LRRC4C: variants seen among roughly 807,000 people sequenced by gnomAD.
The protein encoded by LRRC4C is leucine-rich repeat-containing protein 4C.
LRRC4C carries 5 observed loss-of-function variants against 33.6 expected under a neutral mutation model. That is an observed-to-expected ratio of 0.15 (90% confidence interval 0.08 to 0.31). The LOEUF (loss-of-function observed/expected upper bound fraction) is 0.31, where lower values mean the gene tolerates loss of function less well. Ranked by LOEUF, LRRC4C falls within the 10% of genes least tolerant of loss-of-function variation. The probability of loss-of-function intolerance (pLI) is 1.00; values close to 1 mark genes in which losing one functional copy is unlikely to be tolerated. For synonymous variants in LRRC4C, 329 were observed against 302.0 expected (o/e 1.09, Z -0.93); for missense variants, 560 against 796.7 (o/e 0.70, Z 3.58).
chr11:41,184,178 T>A (rs1239070563), intron 1 of LRRC4C, among the ~76,000 whole-genome samples: 1 of 152,162 alleles, frequency 6.6e-6, no homozygotes, highest in African/African-American at 2.4e-5. Context: ...TTCCCCATTG[T>A]TTTGGGGATT....
intron 2 of LRRC4C, among the ~76,000 whole-genome samples, chr11:40,914,071 A>G (rs1158544225): frequency 1.3e-5 from 2 of 152,170 alleles, no homozygotes; most frequent in African/African-American, 4.8e-5. Context: ...TACCAACCAA[A>G]AAAAGTCCAG....
chr11:41,066,281 A>C (rs1299303821), intron 1 of LRRC4C, among the ~76,000 whole-genome samples: 2 of 152,236 alleles, frequency 1.3e-5, no homozygotes, highest in African/African-American at 4.8e-5. Context: ...CACAAGTATC[A>C]ATAGCCGAAT....
intron 3 of LRRC4C, among the ~76,000 whole-genome samples, chr11:40,346,198 C>T (rs977259532): frequency 1.8e-4 from 27 of 152,194 alleles, no homozygotes; most frequent in East Asian, 1.5e-3. Flanking sequence ...CCCATTACTG[C>T]ATATATACCC....
chr11:40,747,249 C>T (rs1419713913), intron 2 of LRRC4C, among the ~76,000 whole-genome samples: 1 of 152,118 alleles, frequency 6.6e-6, no homozygotes, highest in East Asian at 1.9e-4. Flanking sequence ...TTTGCCATAG[C>T]CCCCACTCAT....
intron 5 of LRRC4C, among the ~76,000 whole-genome samples, chr11:40,219,643 T>C (rs919967626): frequency 6.6e-6 from 1 of 151,458 alleles, no homozygotes; most frequent in Non-Finnish European, 1.5e-5. Context: ...ACACAGAAAA[T>C]GTTGCACAAT....
chr11:40,852,456 A>G (rs1953556816), intron 2 of LRRC4C, among the ~76,000 whole-genome samples: 2 of 152,060 alleles, frequency 1.3e-5, no homozygotes, highest in South Asian at 4.2e-4. Flanking sequence ...AGTTAAAGAT[A>G]TAACATATAA....
chr11:40,160,641 T>C (rs1859075962), intron 5 of LRRC4C, among the ~76,000 whole-genome samples: 1 of 152,148 alleles, frequency 6.6e-6, no homozygotes, highest in Admixed American at 6.5e-5. Context: ...ATCACTCTCA[T>C]CAAGGCAAAT....
chr11:40,337,301 G>C lies in LRRC4C; in HGVS notation c.-269-17580C>G, dbSNP rs115408851. ...AGACGAAGGTAAAGACTGTGGATTT[G>C]ATTGGAAGATTTTCAGAAAGGAAAC... is the stretch of plus-strand genomic sequence containing the variant. On this transcript the variant is annotated intron_variant, in intron 3 of 6. Transcript: ENST00000528697. 8.6e-3 allele frequency among the ~76,000 whole-genome samples: 1,314 copies of C among 152,300 alleles called. 21 individuals carry two copies. Among genetic ancestry groups the C allele is most frequent in the African/African-American group, 0.029 (1,224 of 41,576 alleles).
chr11:41,168,946 A>C lies in LRRC4C; in HGVS notation c.-495-235223T>G, dbSNP rs114485013. Among the ~76,000 whole-genome samples, 1,432 of 152,282 alleles carry C rather than the reference A, an allele frequency of 9.4e-3. 26 individuals carry two copies. Among genetic ancestry groups the C allele is most frequent in the African/African-American group, 0.033 (1,353 of 41,558 alleles). ...ATGAAACAATGCCCCATGCCAGGAG[A>C]TTTACATACATAATCGCCATTCTTC... is the stretch of plus-strand genomic sequence containing the variant. On this transcript the variant is annotated intron_variant, in intron 1 of 6. Coordinates refer to ENST00000528697, the MANE Select transcript of LRRC4C (RefSeq NM_001258419.2).
At chr11:40,585,744 T>C (rs1468671263) in intron 3 of LRRC4C, among the ~76,000 whole-genome samples, 1 of 142,012 alleles carries the variant, frequency 7.0e-6, no homozygotes, top group Non-Finnish European at 1.6e-5. Context: ...GTTCTTGCGA[T>C]AGTTTACTGA....
At chr11:40,301,329 G>A (rs1320576271) in intron 4 of LRRC4C, among the ~76,000 whole-genome samples, 3 of 152,140 alleles carry the variant, frequency 2.0e-5, no homozygotes, top group African/African-American at 7.2e-5. Flanking sequence ...TTCTAAGGGA[G>A]AAGGTATGTG....
intron 3 of LRRC4C, among the ~76,000 whole-genome samples, chr11:40,572,769 T>C (rs1278276367): frequency 1.3e-5 from 2 of 152,210 alleles, no homozygotes; most frequent in Non-Finnish European, 2.9e-5. Flanking sequence ...AGGGGACTCA[T>C]AGAAGGCTTG....
At chr11:41,285,989 C>G (rs993823652) in intron 1 of LRRC4C, among the ~76,000 whole-genome samples, 2 of 152,032 alleles carry the variant, frequency 1.3e-5, no homozygotes, top group African/African-American at 4.8e-5. Context: ...GCCACCACAC[C>G]TGGCTAATTT....
At position 40,908,069 on chromosome 11, in the gene LRRC4C, T is replaced by A. The variant is rs77908139; in HGVS notation, c.-407+25566A>T. ...CACTGCATCAGAAAAAGCAAGGATT[T>A]TTTTTCACATTGAATAGTCACTACA... On this transcript the variant is annotated intron_variant, in intron 2 of 6. Coordinates refer to ENST00000528697, the MANE Select transcript of LRRC4C (RefSeq NM_001258419.2). Among the ~76,000 whole-genome samples, 118 of 152,264 alleles carry A rather than the reference T, an allele frequency of 7.7e-4. No individual in the cohort carries two copies. The East Asian group carries it at 0.019, about 24-fold the overall frequency.
chr11:40,525,364 T>G (rs1956000884), intron 3 of LRRC4C, among the ~76,000 whole-genome samples: 2 of 152,076 alleles, frequency 1.3e-5, no homozygotes, highest in Admixed American at 1.3e-4. Flanking sequence ...GAGAATCGCT[T>G]GAACCCAGGA....
chr11:40,651,656 G>C (rs1343959015), intron 2 of LRRC4C, among the ~76,000 whole-genome samples: 1 of 152,152 alleles, frequency 6.6e-6, no homozygotes, highest in Non-Finnish European at 1.5e-5. Flanking sequence ...ACACCCTTCT[G>C]CTTATCAGAA....
At chr11:40,158,126 G>A (rs1228616790) in intron 5 of LRRC4C, among the ~76,000 whole-genome samples, 1 of 152,134 alleles carries the variant, frequency 6.6e-6, no homozygotes, top group African/African-American at 2.4e-5. Flanking sequence ...ACCTGGATGA[G>A]ATTGGAGACT....
chr11:40,169,521 T>C (rs574693845), intron 5 of LRRC4C, among the ~76,000 whole-genome samples: 1 of 152,318 alleles, frequency 6.6e-6, no homozygotes, highest in South Asian at 2.1e-4. Context: ...ACACATTTTA[T>C]ATTTTAGTAG....
intron 4 of LRRC4C, among the ~76,000 whole-genome samples, chr11:40,318,621 G>A (rs1271089541): frequency 6.6e-6 from 1 of 151,980 alleles, no homozygotes; most frequent in Non-Finnish European, 1.5e-5. Context: ...ATAAATCCAT[G>A]TACACGGGTT....
Sources: gnomAD v4.1 joint callset for allele counts (sites outside exome capture counted in the v4.1 genomes callset) on GRCh38, gnomAD v4.1.1 for gene constraint, MANE v1.5 for transcripts, NCBI Gene and HGNC (gene_info 2026-07-23, HGNC 2026-07-21) for gene names.